The following HCRTR2 variants were observed in gnomAD, a reference collection of about 807,000 sequenced individuals.
The protein encoded by HCRTR2 is orexin receptor type 2.
Under a neutral mutation model 49.0 loss-of-function variants are expected in HCRTR2, and 22 were observed. The ratio of observed to expected loss-of-function variants is 0.45; its 90% CI spans 0.32 to 0.64. The LOEUF (loss-of-function observed/expected upper bound fraction) is 0.64, where lower values mean the gene tolerates loss of function less well. HCRTR2 is among the 30% of genes least tolerant of loss of function. HCRTR2 has a pLI of 0.04. For missense variants in HCRTR2, 491 were observed against 559.4 expected (o/e 0.88, Z 1.23); for synonymous variants, 236 against 205.3 (o/e 1.15, Z -1.28).
intron 3 of HCRTR2, among the ~76,000 whole-genome samples, chr6:55,263,026 A>G (rs1482258910): frequency 6.6e-6 from 1 of 151,824 alleles, no homozygotes; most frequent in African/African-American, 2.4e-5. Context: ...ATAAAGCCTT[A>G]AAATTCTCAT....
At chr6:55,129,350 G>T (rs534070176) in intron 1 of HCRTR2, among the ~76,000 whole-genome samples, 1 of 152,168 alleles carries the variant, frequency 6.6e-6, no homozygotes, top group East Asian at 1.9e-4. Context: ...AATGTATAAG[G>T]TAAGGGCTTA....
intron 1 of HCRTR2, among the ~76,000 whole-genome samples, chr6:55,127,280 T>C (rs1401396922): frequency 2.0e-5 from 3 of 151,962 alleles, no homozygotes; most frequent in African/African-American, 7.3e-5. Context: ...GGAGTGTGCT[T>C]GGTTCCTCAG....
intron 1 of HCRTR2, among the ~76,000 whole-genome samples, chr6:55,240,549 T>C (rs1435745127): frequency 1.3e-5 from 2 of 151,882 alleles, no homozygotes; most frequent in Admixed American, 6.6e-5. Context: ...TGCCAAGGTG[T>C]GTAGGTGGAG....
chr6:55,130,355 G>C (rs1007081169), intron 1 of HCRTR2, among the ~76,000 whole-genome samples: 1 of 151,282 alleles, frequency 6.6e-6, no homozygotes, highest in African/African-American at 2.4e-5. Context: ...TTTACCAGTT[G>C]GAGAATTGGT....
At chr6:55,218,996 T>A (rs1217619148) in intron 1 of HCRTR2, among the ~76,000 whole-genome samples, 2 of 151,760 alleles carry the variant, frequency 1.3e-5, no homozygotes, top group Non-Finnish European at 2.9e-5. Context: ...GCTAATTTTT[T>A]AACCTTTTGT....
intron 1 of HCRTR2, among the ~76,000 whole-genome samples, chr6:55,154,246 G>A (rs1312103827): frequency 6.6e-6 from 1 of 151,868 alleles, no homozygotes; most frequent in Non-Finnish European, 1.5e-5. Flanking sequence ...CAAAAAGAAA[G>A]AGGGAATATT....
intron 4 of HCRTR2, among the ~76,000 whole-genome samples, chr6:55,272,285 T>G (rs1766987641): frequency 2.0e-5 from 3 of 152,076 alleles, no homozygotes; most frequent in Non-Finnish European, 2.9e-5. Flanking sequence ...TAATTCTATT[T>G]GCATGAAAAT....
At chr6:55,281,198 T>C (rs1767183593) in intron 6 of HCRTR2, among the ~76,000 whole-genome samples, 1 of 152,176 alleles carries the variant, frequency 6.6e-6, no homozygotes, top group Non-Finnish European at 1.5e-5. Context: ...ATTCATTTTG[T>C]GGCATATTTA....
intron 1 of HCRTR2, among the ~76,000 whole-genome samples, chr6:55,216,158 A>G (rs537429368): frequency 2.0e-5 from 3 of 152,200 alleles, no homozygotes; most frequent in Non-Finnish European, 2.9e-5. Flanking sequence ...CCATGTGGGG[A>G]AAGCCCTCAT....
At chr6:55,191,480 A>G (rs1216158696) in intron 1 of HCRTR2, among the ~76,000 whole-genome samples, 1 of 152,184 alleles carries the variant, frequency 6.6e-6, no homozygotes, top group Non-Finnish European at 1.5e-5. Flanking sequence ...TAGTTAGTCA[A>G]TTATGTCATG....
chr6:55,259,341 A>G (rs2127319690), intron 3 of HCRTR2, among the ~76,000 whole-genome samples: 1 of 152,292 alleles, frequency 6.6e-6, no homozygotes, highest in East Asian at 1.9e-4. Flanking sequence ...TTTATTAAAC[A>G]TATTTATTAG....
At chr6:55,270,181 C>T (rs547002850) in intron 4 of HCRTR2, among the ~76,000 whole-genome samples, 1 of 152,050 alleles carries the variant, frequency 6.6e-6, no homozygotes, top group African/African-American at 2.4e-5. Flanking sequence ...TGGTACTAGT[C>T]TCTATATAGG....
chr6:55,224,254 G>A (rs13437121), intron 1 of HCRTR2, among the ~76,000 whole-genome samples: 2 of 152,094 alleles, frequency 1.3e-5, no homozygotes, highest in African/African-American at 4.8e-5. Context: ...GAGATGTTTC[G>A]TATTCATTGC....
At chr6:55,170,264 A>G (rs896566188), upstream of HCRTR2, among the ~76,000 whole-genome samples, 3 of 148,720 alleles carry the variant, frequency 2.0e-5, no homozygotes. Flanking sequence ...ATATATAAAT[A>G]TATTGTATTT....
At chr6:55,196,657 T>C (rs1316663169) in intron 1 of HCRTR2, among the ~76,000 whole-genome samples, 1 of 152,116 alleles carries the variant, frequency 6.6e-6, no homozygotes, top group Non-Finnish European at 1.5e-5. Context: ...TTCAAAGTAC[T>C]GATTAAAATA....
chr6:55,220,154 C>G lies in HCRTR2; in HGVS notation c.224-28485C>G, dbSNP rs1005294466. Among the ~76,000 whole-genome samples the G allele has an allele frequency of 3.9e-5, 6 of 152,084 alleles. No individual in the cohort carries two copies. In the East Asian group the frequency reaches 9.6e-4, roughly 24 times the overall value. ...AATGCCAATTCTTCTCAAACTTTTGCAAAAAATTGAAGAGGACGAAGCATT... is the reference window on the plus strand; with the variant it reads ...AATGCCAATTCTTCTCAAACTTTTGGAAAAAATTGAAGAGGACGAAGCATT... On this transcript the variant is annotated intron_variant, in intron 1 of 6. Transcript: ENST00000370862.
intron 1 of HCRTR2, among the ~76,000 whole-genome samples, chr6:55,191,207 G>T (rs3006852): frequency 1.3e-5 from 2 of 152,248 alleles, no homozygotes; most frequent in East Asian, 3.9e-4. Flanking sequence ...TTATTAGTGC[G>T]TACATTGGTG....
intron 4 of HCRTR2, among the ~76,000 whole-genome samples, chr6:55,264,939 T>A (rs1766835182): frequency 6.6e-6 from 1 of 152,094 alleles, no homozygotes; most frequent in Non-Finnish European, 1.5e-5. Flanking sequence ...TGTGTCTTTG[T>A]TTTTTTAATC....
chr6:55,136,923 C>T (rs757580217), intron 1 of HCRTR2, among the ~76,000 whole-genome samples: 10 of 152,154 alleles, frequency 6.6e-5, no homozygotes, highest in Non-Finnish European at 8.8e-5. Flanking sequence ...TCCTCAGTTG[C>T]TGATACAGGG....
Sources: allele counts gnomAD v4.1 joint callset (sites outside exome capture counted in the v4.1 genomes callset), GRCh38; gene constraint gnomAD v4.1.1; transcripts MANE v1.5; gene names NCBI Gene and HGNC (gene_info 2026-07-23, HGNC 2026-07-21).